The following CDC42BPB variants were observed in gnomAD, a reference collection of about 807,000 sequenced individuals.
CDC42BPB encodes the protein serine/threonine-protein kinase MRCK beta.
Under a neutral mutation model 214.9 loss-of-function variants are expected in CDC42BPB, and 37 were observed. The ratio of observed to expected loss-of-function variants is 0.17; its 90% CI spans 0.13 to 0.23. The LOEUF is 0.23. CDC42BPB is among the 10% of genes least tolerant of loss of function. CDC42BPB has a pLI of 1.00. For missense variants in CDC42BPB, 1,694 were observed against 2,227.0 expected (o/e 0.76, Z 4.82); for synonymous variants, 931 against 884.0 (o/e 1.05, Z -0.94).
intron 1 of CDC42BPB, among the ~76,000 whole-genome samples, chr14:103,029,013 C>A (rs1467268093): frequency 6.6e-6 from 1 of 152,132 alleles, no homozygotes; most frequent in East Asian, 1.9e-4. Flanking sequence ...CTGAGTCCAA[C>A]TGCCAATCTT....
chr14:103,046,711 T>TG (rs1888308740), intron 1 of CDC42BPB, among the ~76,000 whole-genome samples: 1 of 152,102 alleles, frequency 6.6e-6, no homozygotes, highest in Non-Finnish European at 1.5e-5. Context: ...TGGTGTGCAG[T>TG]GGCGTGATCT....
chr14:103,038,724 G>GC (rs1887815503), intron 1 of CDC42BPB, among the ~76,000 whole-genome samples: 1 of 104,746 alleles, frequency 9.5e-6, no homozygotes, highest in South Asian at 4.2e-4. Context: ...ACGGGGGGGG[G>GC]GGGCGGGTCT....
At chr14:102,950,129 C>T (rs147838703) in intron 25 of CDC42BPB, 1 of 983,666 alleles carries the variant, frequency 1.0e-6, no homozygotes, top group Non-Finnish European at 1.2e-6. Flanking sequence ...CTGTGTCCAC[C>T]CCATGCAGGG....
At chr14:102,968,784 C>T in intron 14 of CDC42BPB, 68 bp from the exon 15 acceptor site, 9 of 1,578,196 alleles carry the variant, frequency 5.7e-6, no homozygotes, top group Non-Finnish European at 7.7e-6. Flanking sequence ...TCCTTTCAAC[C>T]CCTTTCATCC....
intron 1 of CDC42BPB, among the ~76,000 whole-genome samples, chr14:103,056,652 CG>C (rs1566932276): frequency 3.0e-5 from 4 of 133,338 alleles, no homozygotes; most frequent in Non-Finnish European, 6.3e-5. Context: ...TCTAGGAAGC[CG>C]CCAGGGCGAG....
chr14:102,977,165 C>T (rs1893785202), intron 9 of CDC42BPB, among the ~76,000 whole-genome samples: 1 of 151,942 alleles, frequency 6.6e-6, no homozygotes, highest in South Asian at 2.1e-4. Context: ...ATGGTGAAAC[C>T]CTCTCTCTAC....
rs778656503 is a variant in CDC42BPB at position 102,980,791 on chromosome 14, G to A, written c.1122C>T (p.Asp374=). The A allele has an allele frequency of 4.8e-5, 77 of 1,613,980 alleles. No individual in the cohort carries two copies. Among genetic ancestry groups the A allele is most frequent in the Non-Finnish European group, 5.4e-5 (64 of 1,180,000 alleles). ...PSDTSNFDVD[D]DVLRNTEILP... is the part of the protein sequence containing the mutation. ...CACTCACCGTGTTTCTCAGCACGTC[G>A]TCATCCACGTCGAAGTTGGATGTGT... The change falls in exon 8 of 37, where the codon GAC becomes GAT. Residue 374 remains aspartate (D), a synonymous_variant. Transcript: ENST00000361246.
chr14:102,935,739 A>C (rs1316313872), intron 36 of CDC42BPB, among the ~76,000 whole-genome samples: 1 of 151,196 alleles, frequency 6.6e-6, no homozygotes, highest in East Asian at 1.9e-4. Context: ...GCAGTGAGCC[A>C]AGATCGTGCC....
At chr14:102,957,374 C>T (rs1241707647) in intron 21 of CDC42BPB, among the ~76,000 whole-genome samples, 2 of 152,132 alleles carry the variant, frequency 1.3e-5, no homozygotes, top group South Asian at 2.1e-4. Flanking sequence ...CACTTGCTAC[C>T]GGGCCCTCTA....
chr14:103,047,896 C>T (rs1461166660), intron 1 of CDC42BPB, among the ~76,000 whole-genome samples: 2 of 65,704 alleles, frequency 3.0e-5, no homozygotes, highest in East Asian at 4.8e-4. Flanking sequence ...GAGCAAGACT[C>T]TGTGTCCAAA....
intron 1 of CDC42BPB, among the ~76,000 whole-genome samples, chr14:103,023,817 T>C (rs1886901755): frequency 6.6e-6 from 1 of 152,176 alleles, no homozygotes; most frequent in Non-Finnish European, 1.5e-5. Context: ...AATATGCAGA[T>C]TTTGCAGCTC....
chr14:103,027,856 G>A (rs568835745), intron 1 of CDC42BPB, among the ~76,000 whole-genome samples: 9 of 152,338 alleles, frequency 5.9e-5, no homozygotes, highest in Middle Eastern at 3.4e-3. Flanking sequence ...AAAGCCAGGC[G>A]TGGTGGATCA....
At chr14:102,987,297 G>A (rs1236316910) in intron 5 of CDC42BPB, among the ~76,000 whole-genome samples, 1 of 152,238 alleles carries the variant, frequency 6.6e-6, no homozygotes, top group Non-Finnish European at 1.5e-5. Context: ...ACTACTTTCT[G>A]TGCGCTCTCA....
chr14:103,030,192 T>C (rs1887288050), intron 1 of CDC42BPB, among the ~76,000 whole-genome samples: 1 of 152,236 alleles, frequency 6.6e-6, no homozygotes, highest in Non-Finnish European at 1.5e-5. Flanking sequence ...TAGTCGCCCA[T>C]CTCCATGGGG....
intron 1 of CDC42BPB, among the ~76,000 whole-genome samples, chr14:103,028,275 G>A (rs10137179): frequency 0.098 from 14,887 of 152,188 alleles, 1,836 homozygotes; most frequent in African/African-American, 0.29. Flanking sequence ...AGTATTAAAG[G>A]TATTTAAAAA....
chr14:103,041,337 A>G, intron 1 of CDC42BPB: 1 of 467,090 alleles, frequency 2.1e-6, no homozygotes. Context: ...AAGAAAACAC[A>G]TGTATAAAAG....
rs1892190111 is a variant in CDC42BPB, at chr14:102,946,631, C to T, written c.3585G>A (p.Leu1195=). ...TCCTCTTTTCATTCTCATTTTCTGT[C>T]AGAATGAGCAGCGAGCTGGTCTTAG... ...APSKTSSLLI[L]TENENEKRKW... Residue 1195 remains leucine, a synonymous_variant, in exon 28 of 37, where the codon CTG becomes CTA. Transcript: ENST00000361246. 6.2e-7 allele frequency: 1 copy of T among 1,612,652 alleles called. No individual in the cohort carries two copies. The highest frequency in any genetic ancestry group is 1.7e-5 in the Admixed American group (1 of 59,996).
At chr14:102,954,165 A>G in intron 23 of CDC42BPB, 33 bp downstream of exon 23, 2 of 1,404,444 alleles carry the variant, frequency 1.4e-6, no homozygotes, top group South Asian at 2.5e-5. Flanking sequence ...TAAATAACTA[A>G]GAAGGCGCCC....
At chr14:102,998,745 T>A (rs1189342837) in intron 5 of CDC42BPB, among the ~76,000 whole-genome samples, 1 of 152,162 alleles carries the variant, frequency 6.6e-6, no homozygotes, top group Non-Finnish European at 1.5e-5. Context: ...CTATTTCCTT[T>A]GTGAGTGTCC....
Sources: allele counts gnomAD v4.1 joint callset (sites outside exome capture counted in the v4.1 genomes callset), GRCh38; gene constraint gnomAD v4.1.1; transcripts MANE v1.5; gene names NCBI Gene and HGNC (gene_info 2026-07-23, HGNC 2026-07-21).